Variants in DOK6 observed in about 807,000 individuals in gnomAD.
The protein encoded by DOK6 is docking protein 6, also known as downstream of tyrosine kinase 6.
A neutral mutation model predicts 44.0 loss-of-function variants in DOK6; 22 were observed. That is an observed-to-expected ratio of 0.50 (90% CI 0.36 to 0.71). The LOEUF (loss-of-function observed/expected upper bound fraction) is 0.71, where lower values mean the gene tolerates loss of function less well. Ranked by LOEUF, DOK6 falls within the 30% of genes least tolerant of loss-of-function variation. DOK6 has a pLI of 0.00. For synonymous variants in DOK6, 166 were observed against 145.5 expected, an observed-to-expected ratio of 1.14 and a Z score of -1.01; for missense variants, 340 against 416.4, an observed-to-expected ratio of 0.82 and a Z score of 1.60.
intron 7 of DOK6, among the ~76,000 whole-genome samples, chr18:69,793,001 T>A (rs941537982): frequency 2.6e-5 from 4 of 152,142 alleles, no homozygotes; most frequent in African/African-American, 9.7e-5. Flanking sequence ...TTATAGCCAG[T>A]CATCTTCTAA....
intron 1 of DOK6, among the ~76,000 whole-genome samples, chr18:69,493,045 C>T (rs1259555329): frequency 2.0e-5 from 3 of 152,024 alleles, no homozygotes; most frequent in Admixed American, 2.0e-4. Flanking sequence ...TTAGCTATCA[C>T]ATCTATATAA....
chr18:69,578,197 A>G (rs574823392), intron 2 of DOK6, among the ~76,000 whole-genome samples: 5 of 152,180 alleles, frequency 3.3e-5, no homozygotes, highest in South Asian at 2.1e-4. Flanking sequence ...TTTTAAATTT[A>G]TCCATTTTTT....
At chr18:69,747,659 A>G (rs1443305355) in intron 6 of DOK6, among the ~76,000 whole-genome samples, 2 of 151,924 alleles carry the variant, frequency 1.3e-5, no homozygotes, top group East Asian at 3.9e-4. Flanking sequence ...GAGTCTAGAG[A>G]ACTGTTTTCT....
chr18:69,444,961 G>A (rs921555375), intron 1 of DOK6, among the ~76,000 whole-genome samples: 3 of 151,940 alleles, frequency 2.0e-5, no homozygotes, highest in South Asian at 2.1e-4. Context: ...TCTTTAAGTC[G>A]ATGAACATAT....
chr18:69,802,578 G>A (rs1185015830), intron 7 of DOK6, among the ~76,000 whole-genome samples: 1 of 152,162 alleles, frequency 6.6e-6, no homozygotes, highest in Non-Finnish European at 1.5e-5. Context: ...GATCATGGGG[G>A]TGGATCCTTC....
chr18:69,540,786 A>T (rs554598674), intron 1 of DOK6, among the ~76,000 whole-genome samples: 1 of 152,170 alleles, frequency 6.6e-6, no homozygotes, highest in African/African-American at 2.4e-5. Context: ...AGTTGATTCT[A>T]TTGGGCTTTT....
At chr18:69,635,376 A>G (rs12959721) in intron 3 of DOK6, among the ~76,000 whole-genome samples, 65,832 of 152,012 alleles carry the variant, frequency 0.43, 16,288 homozygotes, top group Non-Finnish European at 0.55. Context: ...TGAGATGTGT[A>G]TAAGCGTAAT....
intron 6 of DOK6, among the ~76,000 whole-genome samples, chr18:69,751,158 G>A (rs1979164442): frequency 6.6e-6 from 1 of 152,134 alleles, no homozygotes; most frequent in Non-Finnish European, 1.5e-5. Context: ...GGCAGGAAGA[G>A]TATGTTTTAT....
chr18:69,702,374 T>C (rs561939373), intron 5 of DOK6, among the ~76,000 whole-genome samples: 8 of 152,308 alleles, frequency 5.3e-5, no homozygotes, highest in East Asian at 1.9e-4. Context: ...AAAACATTTC[T>C]TGACTGAAAC....
intron 7 of DOK6, among the ~76,000 whole-genome samples, chr18:69,774,120 GATATATATATGAGATATATATATAT>G (rs1251859184): frequency 0.13 from 3,510 of 26,530 alleles, 196 homozygotes; most frequent in African/African-American, 0.17. Context: ...GATTTATATA[GATATATATATGAGATATATATATAT>G]ATATATATAT....
chr18:69,705,595 G>A (rs1440030830), intron 5 of DOK6, among the ~76,000 whole-genome samples: 1 of 152,146 alleles, frequency 6.6e-6, no homozygotes, highest in East Asian at 1.9e-4. Flanking sequence ...TAATTGAAAG[G>A]TTTTAGCAAT....
At chr18:69,464,877 C>T (rs1444117912) in intron 1 of DOK6, among the ~76,000 whole-genome samples, 1 of 152,134 alleles carries the variant, frequency 6.6e-6, no homozygotes, top group South Asian at 2.1e-4. Context: ...AAGACAAAAC[C>T]TCTATTTTAA....
intron 2 of DOK6, among the ~76,000 whole-genome samples, chr18:69,579,717 C>A (rs557774421): frequency 1.3e-5 from 2 of 152,260 alleles, no homozygotes; most frequent in South Asian, 4.1e-4. Context: ...GCACCCACCA[C>A]CACGCCCAGC....
chr18:69,482,871 T>G (rs1287184172), intron 1 of DOK6, among the ~76,000 whole-genome samples: 1 of 151,990 alleles, frequency 6.6e-6, no homozygotes, highest in African/African-American at 2.4e-5. Flanking sequence ...CTTTTAAAAA[T>G]TATTTATTAT....
At chr18:69,608,323 G>A (rs187288567) in intron 3 of DOK6, among the ~76,000 whole-genome samples, 5 of 152,244 alleles carry the variant, frequency 3.3e-5, no homozygotes, top group South Asian at 2.1e-4. Flanking sequence ...GACTATATAC[G>A]TGTGGATTCA....
At chr18:69,525,285 A>G (rs1386203156) in intron 1 of DOK6, among the ~76,000 whole-genome samples, 1 of 151,786 alleles carries the variant, frequency 6.6e-6, no homozygotes, top group East Asian at 1.9e-4. Flanking sequence ...AAACATTTAG[A>G]TTTTCTTTAT....
chr18:69,759,919 C>T (rs1472355806), intron 7 of DOK6, among the ~76,000 whole-genome samples: 1 of 152,160 alleles, frequency 6.6e-6, no homozygotes, highest in Non-Finnish European at 1.5e-5. Context: ...AAAATGTATT[C>T]AACGGAAGTT....
chr18:69,792,016 C>G (rs1980615769), intron 7 of DOK6, among the ~76,000 whole-genome samples: 1 of 152,010 alleles, frequency 6.6e-6, no homozygotes, highest in South Asian at 2.1e-4. Context: ...ATGGTCATTT[C>G]CCTAATGCAT....
intron 3 of DOK6, among the ~76,000 whole-genome samples, chr18:69,658,514 A>G (rs1165129084): frequency 6.6e-6 from 1 of 152,146 alleles, no homozygotes; most frequent in Non-Finnish European, 1.5e-5. Context: ...TACTATTGCT[A>G]TTATTATTAT....
Sources: allele counts gnomAD v4.1 joint callset (sites outside exome capture counted in the v4.1 genomes callset), GRCh38; gene constraint gnomAD v4.1.1; transcripts MANE v1.5; gene names NCBI Gene and HGNC (gene_info 2026-07-23, HGNC 2026-07-21).